The following MYO15B variants were observed in gnomAD, a reference collection of about 807,000 sequenced individuals.
MYO15B encodes the protein myosin XVB pseudogene.
Under a neutral mutation model 119.3 loss-of-function variants are expected in MYO15B, and 207 were observed. That is an observed-to-expected ratio of 1.73 (90% confidence interval 1.55 to 1.95). MYO15B has a LOEUF of 1.95. Ranked by LOEUF, MYO15B falls within the 30% of genes most tolerant of loss-of-function variation. The pLI is 0.00. For missense variants in MYO15B, 2,264 were observed against 1,203.1 expected (o/e 1.88, Z -13.04); for synonymous variants, 966 against 498.9 (o/e 1.94, Z -12.48).
At chr17:75,595,896 C>A (rs533916846) in intron 12 of MYO15B, among the ~76,000 whole-genome samples, 2 of 152,334 alleles carry the variant, frequency 1.3e-5, no homozygotes, top group South Asian at 4.1e-4. Context: ...TGCCCTCAGT[C>A]CCTGGACGGG....
At chr17:75,616,560 C>T in exon 39 of MYO15B, 1 of 703,086 alleles carries the variant, frequency 1.4e-6, no homozygotes, top group Non-Finnish European at 2.6e-6. Context: ...GTGAAGAAGC[C>T]ATTGAAGCAA....
chr17:75,599,155 C>G (rs2057078160), intron 14 of MYO15B, among the ~76,000 whole-genome samples: 1 of 152,208 alleles, frequency 6.6e-6, no homozygotes, highest in African/African-American at 2.4e-5. Context: ...ACCGTTGCCT[C>G]TCAAAGTGCT....
At position 75,617,246 on chromosome 17, in the gene MYO15B, A is replaced by G. The variant is rs1473475707; in HGVS notation, c.6756A>G (p.Pro2252=). 1.2e-5 allele frequency: 8 copies of G among 690,776 alleles called. No homozygotes were observed. The Admixed American group carries it at 1.5e-4, about 13-fold the overall frequency. 42.8% of individuals were successfully genotyped at this position (690,776 alleles called of 1,614,324 possible). A position where few individuals can be genotyped will look rare whatever the true frequency, so the allele number is the denominator to read the frequency against. Residue 2252 remains proline, a synonymous_variant, in exon 41 of 64, where the codon CCA becomes CCG. Coordinates refer to ENST00000645453, the Ensembl canonical transcript of MYO15B. Reference sequence around the variant, plus strand: ...CTATTGCCCACACACCCCCACCTCCACCAGCGCCACCACTGCCTCTGCCCG... The same window carrying G: ...CTATTGCCCACACACCCCCACCTCCGCCAGCGCCACCACTGCCTCTGCCCG...
In MYO15B at chr17:75,623,689, C is replaced by G. The variant is rs894223732; in HGVS notation, c.8083-92C>G. ...TGAGAGAGACATCTTGAGCCAGCCC[C>G]AGCCCATGGCCTAGCAGGGTTTCTC... On this transcript the variant is annotated intron_variant, in intron 53 of 63. Transcript: ENST00000645453. 1.2e-4 allele frequency: 81 copies of G among 677,408 alleles called. No individual in the cohort carries two copies. The South Asian group carries it at 1.3e-3, about 11-fold the overall frequency. The allele number at this position is 677,408 out of a possible 1,614,324, so 42.0% of individuals were successfully genotyped here. A position where few individuals can be genotyped will look rare whatever the true frequency, so the allele number is the denominator to read the frequency against.
intron 53 of MYO15B, among the ~76,000 whole-genome samples, chr17:75,623,354 C>T (rs1308657562): frequency 1.3e-5 from 2 of 152,000 alleles, no homozygotes; most frequent in Non-Finnish European, 2.9e-5. Context: ...AAAGGCCGGG[C>T]ACGGAGGCCC....
At chr17:75,609,339 T>C (rs927278187) in intron 21 of MYO15B, among the ~76,000 whole-genome samples, 2 of 151,556 alleles carry the variant, frequency 1.3e-5, no homozygotes, top group African/African-American at 4.9e-5. Flanking sequence ...GCCTGGCTAA[T>C]TTAAAAAATC....
In MYO15B at chr17:75,594,764, C is replaced by T. The variant is rs2056739826; in HGVS notation, c.3164+5C>T. On this transcript the variant is annotated splice_donor_5th_base_variant and intron_variant, in intron 11 of 63. Transcript: ENST00000645453. ...GGAAAGTGCCTTTGATGCCAGGTGG[C>T]CCTAGAGACGGGTGAGAGTCAGAGC... 2 of 703,052 alleles carry T rather than the reference C, an allele frequency of 2.8e-6. No individual in the cohort carries two copies. Among genetic ancestry groups the T allele is most frequent in the African/African-American group, 1.7e-5 (1 of 57,404 alleles). The allele number at this position is 703,052 out of a possible 1,614,324, so 43.6% of individuals were successfully genotyped here.
chr17:75,588,223 A>C (rs1234424712), exon 1 of MYO15B: 2 of 397,984 alleles, frequency 5.0e-6, no homozygotes, highest in Admixed American at 8.8e-5. Flanking sequence ...CGAGCCTGCC[A>C]CCGCCGGGGG....
chr17:75,601,398 T>C (rs2057274496), intron 14 of MYO15B, 40 bp from the exon 15 acceptor site: 1 of 700,230 alleles, frequency 1.4e-6, no homozygotes, highest in Admixed American at 2.0e-5. Flanking sequence ...AAGGACAGCC[T>C]GTGCAGAGGC....
At chr17:75,623,038 C>T (rs536601063) in intron 53 of MYO15B, among the ~76,000 whole-genome samples, 3 of 145,446 alleles carry the variant, frequency 2.1e-5, no homozygotes, top group Non-Finnish European at 4.6e-5. Context: ...AGTAAGAGAT[C>T]AGAGAAGCAG....
At position 75,600,128 on chromosome 17, in the gene MYO15B, G is replaced by A. The variant is rs2057160188; in HGVS notation, c.3526-1310G>A. Among the ~76,000 whole-genome samples, 5 of 148,776 alleles carry A rather than the reference G, an allele frequency of 3.4e-5. No homozygotes were observed. In the South Asian group the frequency reaches 1.1e-3, roughly 32 times the overall value. ...TGCAAACTCCGCCTCTCGGGTTCACGCCATTCTCCTGCCTCAGCCTCCCGA... is the reference window on the plus strand; with the variant it reads ...TGCAAACTCCGCCTCTCGGGTTCACACCATTCTCCTGCCTCAGCCTCCCGA... On this transcript the variant is annotated intron_variant, in intron 14 of 63. Transcript: ENST00000645453.
At chr17:75,624,511 TC>T (rs1485028285) in intron 57 of MYO15B, 31 bp from the exon 58 acceptor site, 67 of 702,820 alleles carry the variant, frequency 9.5e-5, no homozygotes, top group Middle Eastern at 6.8e-4. Flanking sequence ...CCAGCCTCCC[TC>T]CCCCTCATCA....
exon 52 of MYO15B, chr17:75,621,555 G>A (rs1312142125): frequency 1.9e-5 from 13 of 701,640 alleles, no homozygotes; most frequent in East Asian, 5.4e-5. Context: ...CAAGCTGGCT[G>A]TAGCCAGCTT....
chr17:75,602,467 G>A, intron 15 of MYO15B, 50 bp from the exon 16 acceptor site: 2 of 702,866 alleles, frequency 2.8e-6, no homozygotes, highest in Non-Finnish European at 5.2e-6. Flanking sequence ...CTTGGTTCCT[G>A]TTCTCCTCCC....
chr17:75,589,057 C>G lies in MYO15B; in HGVS notation c.1000C>G (p.Leu334Val). The change falls in exon 1 of 64, where the codon CTG (leucine) becomes GTG (valine). Residue 334 changes from leucine (L) to valine (V), a missense_variant. Transcript: ENST00000645453. This position sits in a 1 kb window ranked among gnomAD's most constrained non-coding sequence, Gnocchi z 4.2. ...AGCGGGGCCGGAGGACCCAGCCCCG[C>G]TGGCGGCCCTCCTGGTGGTCCGCAG... 7.6e-6 allele frequency: 3 copies of G among 396,174 alleles called. No individual in the cohort carries two copies. Among genetic ancestry groups the G allele is most frequent in the Non-Finnish European group, 1.3e-5 (3 of 224,440 alleles). The allele number at this position is 396,174 out of a possible 1,614,324, so 24.5% of individuals were successfully genotyped here.
At chr17:75,602,358 C>A (rs1157254450) in intron 15 of MYO15B, 159 bp from the exon 16 acceptor site, 1 of 699,748 alleles carries the variant, frequency 1.4e-6, no homozygotes. Context: ...AGTCCAGTGG[C>A]AGACCCAAGG....
intron 21 of MYO15B, chr17:75,606,968 G>C: frequency 2.5e-6 from 1 of 398,544 alleles, no homozygotes; most frequent in Non-Finnish European, 4.4e-6. Flanking sequence ...GCTGTTGGCT[G>C]ACCGTCTGCC....
rs1376090953 is a variant in MYO15B at position 75,605,273 on chromosome 17, TA to T, written c.4017-226del. 2.0e-5 allele frequency among the ~76,000 whole-genome samples: 3 copies of T among 151,364 alleles called. No individual in the cohort carries two copies. In the East Asian group the frequency reaches 5.8e-4, roughly 29 times the overall value. ...TAACACGGTGAAACCCTGTCTCTAC[TA>T]AAAATACAAAAAATTAGCCGGGTGC... On this transcript the variant is annotated intron_variant, in intron 19 of 63. Coordinates refer to ENST00000645453, the Ensembl canonical transcript of MYO15B.
rs2056726571 is a variant in MYO15B, at chr17:75,594,598, A to G, written c.3105+10A>G. ...CACCAGGAGGGTCACGGTGAGCCCG[A>G]GGGTCCTGGGGAGAGGGGCCTGGCC... On this transcript the variant is annotated intron_variant, in intron 10 of 63. Transcript: ENST00000645453. The G allele has an allele frequency of 7.4e-6, 5 of 678,288 alleles. No homozygotes were observed. Among genetic ancestry groups the G allele is most frequent in the South Asian group, 4.7e-5 (3 of 64,210 alleles). The allele number at this position is 678,288 out of a possible 1,614,324, so 42.0% of individuals were successfully genotyped here. A position where few individuals can be genotyped will look rare whatever the true frequency, so the allele number is the denominator to read the frequency against.
Sources: allele counts gnomAD v4.1 joint callset (sites outside exome capture counted in the v4.1 genomes callset), GRCh38; gene constraint gnomAD v4.1.1; non-coding constraint Gnocchi (gnomAD v3.1); transcripts MANE v1.5; gene names NCBI Gene and HGNC (gene_info 2026-07-23, HGNC 2026-07-21).